Variants in UBE2E2 observed in about 807,000 individuals in gnomAD.
UBE2E2 encodes ubiquitin-conjugating enzyme E2 E2.
A neutral mutation model predicts 24.7 loss-of-function variants in UBE2E2; 6 were observed. The observed-to-expected ratio is 0.24, with a 90% CI of 0.13 to 0.48. UBE2E2 has a LOEUF of 0.48. UBE2E2 is among the 20% of genes least tolerant of loss of function. UBE2E2 has a pLI of 0.99. For synonymous variants in UBE2E2, 104 were observed against 83.6 expected (o/e 1.24, Z -1.33); for missense variants, 169 against 245.0 (o/e 0.69, Z 2.07).
At chr3:23,500,893 C>G (rs1463009664) in intron 4 of UBE2E2, among the ~76,000 whole-genome samples, 1 of 152,186 alleles carries the variant, frequency 6.6e-6, no homozygotes. Context: ...AAGCCTGGCT[C>G]CAAAGCCCAT....
chr3:23,491,667 C>T (rs570058637), intron 3 of UBE2E2, among the ~76,000 whole-genome samples: 14 of 152,268 alleles, frequency 9.2e-5, no homozygotes, highest in South Asian at 6.2e-4. Flanking sequence ...AAGCAGGAGC[C>T]AATTCTTTAT....
chr3:23,296,995 G>A (rs942573703), intron 3 of UBE2E2, among the ~76,000 whole-genome samples: 1 of 152,104 alleles, frequency 6.6e-6, no homozygotes, highest in South Asian at 2.1e-4. Context: ...TTTAATGATT[G>A]CCATTCTAAC....
chr3:23,582,505 G>A lies in UBE2E2; in HGVS notation c.509-7229G>A, dbSNP rs1696506603. On this transcript the variant is annotated intron_variant, in intron 5 of 5. Coordinates refer to ENST00000396703, the MANE Select transcript of UBE2E2 (RefSeq NM_152653.4). The stretch of plus-strand genomic sequence containing the variant: ...GCTTTCCGCAGTGGTTTGTGGAAAC[G>A]CTTTACACTCCCACCAGCAGTGTAT... Among the ~76,000 whole-genome samples the A allele has an allele frequency of 2.0e-5, 3 of 152,084 alleles. No individual in the cohort carries two copies. The South Asian group carries it at 6.2e-4, about 32-fold the overall frequency.
chr3:23,503,640 G>C (rs561498714), intron 4 of UBE2E2, among the ~76,000 whole-genome samples: 1 of 151,884 alleles, frequency 6.6e-6, no homozygotes, highest in Non-Finnish European at 1.5e-5. Flanking sequence ...GATCATTTGA[G>C]ATCAGGAGTT....
chr3:23,460,570 A>G (rs779306202), intron 3 of UBE2E2, among the ~76,000 whole-genome samples: 2 of 152,238 alleles, frequency 1.3e-5, no homozygotes, highest in Non-Finnish European at 2.9e-5. Flanking sequence ...TACAATATGT[A>G]TATAAATACC....
chr3:23,267,386 C>T (rs1489101047), intron 3 of UBE2E2, among the ~76,000 whole-genome samples: 1 of 152,076 alleles, frequency 6.6e-6, no homozygotes, highest in East Asian at 1.9e-4. Flanking sequence ...ACCACTGATC[C>T]CACAGAAATA....
intron 5 of UBE2E2, among the ~76,000 whole-genome samples, chr3:23,582,018 A>T (rs1283082666): frequency 3.3e-5 from 5 of 152,116 alleles, no homozygotes; most frequent in African/African-American, 1.2e-4. Context: ...CACCCAGGTA[A>T]TAAGCATAGG....
chr3:23,354,544 C>G (rs1232518268), intron 3 of UBE2E2, among the ~76,000 whole-genome samples: 2 of 152,140 alleles, frequency 1.3e-5, no homozygotes, highest in Admixed American at 6.5e-5. Context: ...AAGAAAAAAA[C>G]AACCCCATCA....
rs902115687 is a variant in UBE2E2 at position 23,474,351 on chromosome 3, T to C, written c.228-25257T>C. 6.6e-6 allele frequency among the ~76,000 whole-genome samples: 1 copy of C among 152,100 alleles called. No homozygotes were observed. The highest frequency in any genetic ancestry group is 1.5e-5 in the Non-Finnish European group (1 of 68,020). On this transcript the variant is annotated intron_variant, in intron 3 of 5. Coordinates refer to ENST00000396703, the MANE Select transcript of UBE2E2 (RefSeq NM_152653.4). The surrounding 1 kb of genome is among the most constrained non-coding windows in gnomAD (Gnocchi z 4.0). ...CTCTGTGGGTTATCTGTTTACTGAC[T>C]GAAGTGAAGATTTATTTCTTACAGT...
intron 5 of UBE2E2, among the ~76,000 whole-genome samples, chr3:23,570,540 A>G (rs944216014): frequency 8.5e-5 from 13 of 152,218 alleles, no homozygotes; most frequent in Non-Finnish European, 1.5e-4. Flanking sequence ...ACAGTAAACA[A>G]TGTATAATAA....
Position 23,407,677 on chromosome 3 carries a change from G to GTGTA in UBE2E2, c.228-91928_228-91927insATGT. ...TGTGTGTGTGTGTGTGTGTGTGTGT[G>GTGTA]TGTGTGTGTGTGTAGTATTTCAGAG... On this transcript the variant is annotated intron_variant, in intron 3 of 5. Transcript: ENST00000396703. The surrounding 1 kb of genome is among the most constrained non-coding windows in gnomAD (Gnocchi z 4.0). Among the ~76,000 whole-genome samples the GTGTA allele has an allele frequency of 6.6e-6, 1 of 151,406 alleles. No homozygotes were observed. The highest frequency in any genetic ancestry group is 2.4e-5 in the African/African-American group (1 of 41,180).
At chr3:23,544,569 G>T (rs1695473417) in intron 5 of UBE2E2, among the ~76,000 whole-genome samples, 1 of 152,216 alleles carries the variant, frequency 6.6e-6, no homozygotes, top group South Asian at 2.1e-4. Context: ...TGTGGATGTG[G>T]TGTGAAGGGA....
chr3:23,350,172 G>A (rs564240805), intron 3 of UBE2E2, among the ~76,000 whole-genome samples: 15 of 152,270 alleles, frequency 9.9e-5, no homozygotes, highest in African/African-American at 3.6e-4. Context: ...TGCAGCTGAG[G>A]GTCCTGTCTG....
rs142518290 is a variant in UBE2E2 at position 23,451,527 on chromosome 3, C to T, written c.228-48081C>T. 4.3e-3 allele frequency among the ~76,000 whole-genome samples: 657 copies of T among 152,204 alleles called. 5 individuals carry two copies. The highest frequency in any genetic ancestry group is 0.011 in the Admixed American group (163 of 15,284). ...TTAGGTCTTCAGTGAGCGCTTCTGACGACTATACCGTGTTATCTCTTAAGG... is the reference window on the plus strand; with the variant it reads ...TTAGGTCTTCAGTGAGCGCTTCTGATGACTATACCGTGTTATCTCTTAAGG... On this transcript the variant is annotated intron_variant, in intron 3 of 5. Transcript: ENST00000396703.
At chr3:23,530,315 G>A (rs1206029283) in intron 4 of UBE2E2, among the ~76,000 whole-genome samples, 1 of 152,102 alleles carries the variant, frequency 6.6e-6, no homozygotes, top group Non-Finnish European at 1.5e-5. Flanking sequence ...TAGTCTGGTT[G>A]ACCTATCAGT....
intron 5 of UBE2E2, among the ~76,000 whole-genome samples, chr3:23,568,143 T>C (rs562080359): frequency 2.6e-5 from 4 of 152,296 alleles, no homozygotes; most frequent in African/African-American, 9.6e-5. Flanking sequence ...CTGAAACCAC[T>C]GGGTTATTTT....
At chr3:23,532,237 A>AAAC (rs1695140295) in intron 4 of UBE2E2, among the ~76,000 whole-genome samples, 1 of 152,216 alleles carries the variant, frequency 6.6e-6, no homozygotes, top group South Asian at 2.1e-4. Flanking sequence ...GTTTCTCCCC[A>AAAC]TGAACATTCC....
chr3:23,427,325 G>A (rs975593802), intron 3 of UBE2E2, among the ~76,000 whole-genome samples: 2 of 151,900 alleles, frequency 1.3e-5, no homozygotes, highest in African/African-American at 4.8e-5. Flanking sequence ...AGCTATTTGG[G>A]AGGCAGAGGC....
At chr3:23,276,552 T>C (rs569473970) in intron 3 of UBE2E2, among the ~76,000 whole-genome samples, 1 of 152,294 alleles carries the variant, frequency 6.6e-6, no homozygotes, top group South Asian at 2.1e-4. Context: ...CCTGCTAAAA[T>C]GTATGAATCT....
Sources: allele counts gnomAD v4.1 joint callset (sites outside exome capture counted in the v4.1 genomes callset), GRCh38; gene constraint gnomAD v4.1.1; non-coding constraint Gnocchi (gnomAD v3.1); transcripts MANE v1.5; gene names NCBI Gene and HGNC (gene_info 2026-07-23, HGNC 2026-07-21).